The following PGM1 variants were observed in gnomAD, a reference collection of about 807,000 sequenced individuals.
The protein encoded by PGM1 is phosphoglucomutase-1.
In PGM1, 52 loss-of-function variants were observed where a neutral mutation model predicts 55.6. That is an observed-to-expected ratio of 0.94 (90% CI 0.75 to 1.18). The LOEUF is 1.18. Among genes scored for constraint, PGM1 ranks in the 50% most tolerant of loss-of-function variants. The probability of loss-of-function intolerance (pLI) is 0.00; values close to 1 mark genes in which losing one functional copy is unlikely to be tolerated. For missense variants in PGM1, 724 were observed against 729.3 expected (o/e 0.99, Z 0.08); for synonymous variants, 287 against 271.7 (o/e 1.06, Z -0.55).
intron 1 of PGM1, among the ~76,000 whole-genome samples, chr1:63,622,067 C>T (rs946127317): frequency 6.6e-6 from 1 of 152,162 alleles, no homozygotes; most frequent in African/African-American, 2.4e-5. Flanking sequence ...GTCTGTTGTC[C>T]AGGCTGGAAT....
chr1:63,622,796 A>G (rs1648917503), intron 1 of PGM1, among the ~76,000 whole-genome samples: 1 of 152,332 alleles, frequency 6.6e-6, no homozygotes, highest in Non-Finnish European at 1.5e-5. Flanking sequence ...GATAGATTGC[A>G]TGTGTGAAGT....
At chr1:63,596,028 T>A (rs1648055458) in intron 1 of PGM1, among the ~76,000 whole-genome samples, 1 of 152,130 alleles carries the variant, frequency 6.6e-6, no homozygotes, top group Non-Finnish European at 1.5e-5. Flanking sequence ...CCAAAGTTAC[T>A]AGGGACTTGC....
intron 10 of PGM1, among the ~76,000 whole-genome samples, chr1:63,654,697 A>G (rs943320689): frequency 6.6e-6 from 1 of 152,132 alleles, no homozygotes; most frequent in East Asian, 1.9e-4. Context: ...TCAAGCCTGC[A>G]GTGAGCCAAG....
intron 1 of PGM1, among the ~76,000 whole-genome samples, chr1:63,617,825 C>T (rs1039206418): frequency 6.7e-6 from 1 of 149,080 alleles, no homozygotes. Flanking sequence ...TTTCATTTTC[C>T]TCTCTCTCTG....
chr1:63,624,891 C>CA (rs1648979465), intron 1 of PGM1, among the ~76,000 whole-genome samples: 1 of 152,152 alleles, frequency 6.6e-6, no homozygotes, highest in Non-Finnish European at 1.5e-5. Context: ...TCCTGATACT[C>CA]AGTTTCAGAA....
intron 1 of PGM1, among the ~76,000 whole-genome samples, chr1:63,605,053 C>T (rs1163047527): frequency 6.6e-6 from 1 of 152,022 alleles, no homozygotes; most frequent in East Asian, 1.9e-4. Flanking sequence ...GCTGGGAATG[C>T]ACACTCCTGT....
At chr1:63,650,461 A>G in intron 8 of PGM1, among the ~76,000 whole-genome samples, 1 of 152,202 alleles carries the variant, frequency 6.6e-6, no homozygotes, top group East Asian at 1.9e-4. Flanking sequence ...GTTGTTTATC[A>G]TGTTAACTAG....
At chr1:63,622,641 G>A (rs953872409) in intron 1 of PGM1, among the ~76,000 whole-genome samples, 7 of 152,126 alleles carry the variant, frequency 4.6e-5, no homozygotes, top group East Asian at 1.9e-4. Context: ...GCATCCTCAC[G>A]CCTGTTTTTT....
At chr1:63,596,772 G>A (rs1432593801) in intron 1 of PGM1, among the ~76,000 whole-genome samples, 1 of 152,164 alleles carries the variant, frequency 6.6e-6, no homozygotes, top group Non-Finnish European at 1.5e-5. Flanking sequence ...TTAAATTCTA[G>A]TGAAATTTTC....
intron 8 of PGM1, among the ~76,000 whole-genome samples, chr1:63,650,768 A>G (rs2101000240): frequency 6.6e-6 from 1 of 152,320 alleles, no homozygotes; most frequent in African/African-American, 2.4e-5. Context: ...ACTCATCTTT[A>G]TAGAATTTCA....
intron 7 of PGM1, among the ~76,000 whole-genome samples, chr1:63,643,914 G>A (rs898776315): frequency 8.5e-5 from 13 of 152,182 alleles, no homozygotes; most frequent in Non-Finnish European, 1.3e-4. Context: ...TATGTTCAGG[G>A]GGCTGGAGGA....
At chr1:63,623,513 G>T (rs759096529) in intron 1 of PGM1, 4 of 1,612,594 alleles carry the variant, frequency 2.5e-6, no homozygotes, top group Non-Finnish European at 3.4e-6. Flanking sequence ...ATGGAAGAAG[G>T]TCCTCTCCCT....
rs1570512575 is a variant in PGM1 at position 63,648,513 on chromosome 1, C to A, written c.1145-4C>A. 6.2e-7 allele frequency: 1 copy of A among 1,613,956 alleles called. No homozygotes were observed. Among genetic ancestry groups the A allele is most frequent in the South Asian group, 1.1e-5 (1 of 91,084 alleles). On this transcript the variant is annotated splice_polypyrimidine_tract_variant and splice_region_variant and intron_variant, in intron 7 of 10. Transcript: ENST00000371084. ...CTTACAGCAGCTTGCTGTCCCCCCT[C>A]CAGGTTCTGACCACATCCGTGAGAA...
intron 3 of PGM1, 32 bp downstream of exon 3, chr1:63,630,120 T>C (rs758959659): frequency 4.4e-6 from 7 of 1,608,600 alleles, no homozygotes; most frequent in Non-Finnish European, 5.1e-6. Flanking sequence ...TTCTGCCCAC[T>C]CCTATTTCCA....
Position 63,648,591 on chromosome 1 carries a change from C to G in PGM1, c.1219C>G (p.Gln407Glu). 6.2e-7 allele frequency: 1 copy of G among 1,614,004 alleles called. No homozygotes were observed. The highest frequency in any genetic ancestry group is 8.5e-7 in the Non-Finnish European group (1 of 1,179,880). Residue 407 changes from glutamine to glutamate, a missense_variant, in exon 8 of 11, where the codon CAG becomes GAG. Around this residue, in one of 3 missense-constraint regions of PGM1, gnomAD observed 316 missense variants for 313.1 expected, o/e 1.01. Transcript: ENST00000371084. Reference sequence around the variant, plus strand: ...GCTCTCCATCCTAGCCACCCGCAAGCAGAGTGTGGAGGACATTCTCAAAGA... The same window carrying G: ...GCTCTCCATCCTAGCCACCCGCAAGGAGAGTGTGGAGGACATTCTCAAAGA... ...AWLSILATRKQSVEDILKDHW... is the reference protein window; with the variant it reads ...AWLSILATRKESVEDILKDHW...
At chr1:63,636,537 G>T (rs1241002943) in intron 6 of PGM1, 149 bp downstream of exon 6, 7 of 920,954 alleles carry the variant, frequency 7.6e-6, no homozygotes, top group East Asian at 2.5e-5. Flanking sequence ...TGAGGGGATG[G>T]TTGGCTTTTT....
chr1:63,634,869 C>G lies in PGM1; in HGVS notation c.723C>G (p.Leu241=), dbSNP rs201051387. ...TAAAGAAGATCCTCTGTGAAGAACT[C>G]GGTGCCCCTGCGAACTCGGCAGTTA... The part of the protein sequence containing the change: ...PYVKKILCEE[L]GAPANSAVNC... Residue 241 remains leucine, a synonymous_variant, in exon 5 of 11, where the codon CTC becomes CTG. Coordinates refer to ENST00000371084, the MANE Select transcript of PGM1 (RefSeq NM_002633.3). The G allele has an allele frequency of 1.2e-6, 2 of 1,613,618 alleles. No individual in the cohort carries two copies. The highest frequency in any genetic ancestry group is 1.7e-6 in the Non-Finnish European group (2 of 1,179,964).
chr1:63,615,411 G>A lies in PGM1; in HGVS notation c.247-14014G>A, dbSNP rs187782009. On this transcript the variant is annotated intron_variant, in intron 1 of 10. Transcript: ENST00000371084. ...TTACAAGGACCCCATCGAAAAGGAT[G>A]TTCCCTCTTTGTGGCCACCTTCTTT... Among the ~76,000 whole-genome samples, 781 of 152,188 alleles carry A rather than the reference G, an allele frequency of 5.1e-3. 7 individuals are homozygous for A. The highest frequency in any genetic ancestry group is 0.017 in the African/African-American group (725 of 41,524).
At chr1:63,639,111 T>C (rs1649445865) in intron 7 of PGM1, among the ~76,000 whole-genome samples, 1 of 152,140 alleles carries the variant, frequency 6.6e-6, no homozygotes, top group African/African-American at 2.4e-5. Flanking sequence ...CTTCCTTCGG[T>C]GGTCAAAGAA....
Sources: gnomAD v4.1 joint callset for allele counts (sites outside exome capture counted in the v4.1 genomes callset) on GRCh38, gnomAD v4.1.1 for gene constraint, gnomAD v4.1.1 regional missense constraint, MANE v1.5 for transcripts, NCBI Gene and HGNC (gene_info 2026-07-23, HGNC 2026-07-21) for gene names.